The following CDCA7L variants were observed in gnomAD, a reference collection of about 807,000 sequenced individuals.
The protein encoded by CDCA7L is cell division cycle associated 7 like.
Under a neutral mutation model 57.4 loss-of-function variants are expected in CDCA7L, and 44 were observed. The observed-to-expected ratio is 0.77, with a 90% CI of 0.60 to 0.98. The LOEUF is 0.98. Ranked by LOEUF, CDCA7L falls within the 50% of genes least tolerant of loss-of-function variation. The pLI is 0.00. For synonymous variants in CDCA7L, 236 were observed against 202.8 expected (o/e 1.16, Z -1.39); for missense variants, 644 against 580.6 (o/e 1.11, Z -1.12).
chr7:21,901,309 A>G lies in CDCA7L; in HGVS notation c.*1013T>C. The G allele has an allele frequency of 6.7e-7, 1 of 1,500,800 alleles. No individual in the cohort carries two copies. The highest frequency in any genetic ancestry group is 8.9e-7 in the Non-Finnish European group (1 of 1,118,480). The allele number at this position is 1,500,800 out of a possible 1,614,324, so 93.0% of individuals were successfully genotyped here. ...TGGAGTGCAGTGAGGATTTTCTAGCATGTTGCTGCACTGTTCCCATGCACA... is the reference window on the plus strand; with the variant it reads ...TGGAGTGCAGTGAGGATTTTCTAGCGTGTTGCTGCACTGTTCCCATGCACA... On this transcript the variant is annotated 3_prime_UTR_variant, in exon 10 of 10. Transcript: ENST00000406877.
intron 8 of CDCA7L, 109 bp downstream of exon 8, chr7:21,904,001 A>C: frequency 9.4e-7 from 1 of 1,066,288 alleles, no homozygotes; most frequent in South Asian, 2.9e-5. Flanking sequence ...GAAGGGAAAA[A>C]CCAGAGTTCT....
intron 1 of CDCA7L, among the ~76,000 whole-genome samples, chr7:21,943,309 G>A (rs1786404333): frequency 6.6e-6 from 1 of 152,236 alleles, no homozygotes; most frequent in African/African-American, 2.4e-5. Context: ...GAGTAAATGA[G>A]TCTCCTTGTT....
At position 21,938,280 on chromosome 7, in the gene CDCA7L, C is replaced by T. The variant is rs746886203; in HGVS notation, c.24+7501G>A. On this transcript the variant is annotated intron_variant, in intron 1 of 9. Coordinates refer to ENST00000406877, the MANE Select transcript of CDCA7L (RefSeq NM_018719.5). ...TCAAAGAAGAGGTACAGGTGACCAA[C>T]GGGCACAAGAAAAAAATTCTTAACA... Among the ~76,000 whole-genome samples the T allele has an allele frequency of 1.2e-4, 18 of 151,960 alleles. No individual in the cohort carries two copies. The South Asian group carries it at 1.3e-3, about 11-fold the overall frequency.
intron 3 of CDCA7L, among the ~76,000 whole-genome samples, chr7:21,910,726 T>C (rs115788434): frequency 8.5e-5 from 13 of 152,324 alleles, no homozygotes; most frequent in African/African-American, 2.6e-4. Context: ...CTGTGCAGGA[T>C]AAAACAAACA....
intron 8 of CDCA7L, chr7:21,903,848 A>AT: frequency 2.9e-6 from 1 of 348,792 alleles, no homozygotes; most frequent in South Asian, 7.4e-5. Flanking sequence ...GATTACTTGC[A>AT]TAAAACTAGA....
chr7:21,909,413 C>T (rs985914806), intron 3 of CDCA7L, among the ~76,000 whole-genome samples: 3 of 152,014 alleles, frequency 2.0e-5, no homozygotes, highest in East Asian at 1.9e-4. Flanking sequence ...ACCAAGAACA[C>T]GGAATGGCAC....
At chr7:21,928,834 T>G (rs144698882) in intron 1 of CDCA7L, among the ~76,000 whole-genome samples, 3,095 of 152,152 alleles carry the variant, frequency 0.02, 110 homozygotes, top group African/African-American at 0.07. Flanking sequence ...GTTTGACTGG[T>G]GTACCTCAAA....
Position 21,906,553 on chromosome 7 carries a change from A to G in CDCA7L, c.753+15T>C. 1 of 1,614,092 alleles carries G rather than the reference A, an allele frequency of 6.2e-7. No homozygotes were observed. The highest frequency in any genetic ancestry group is 1.1e-5 in the South Asian group (1 of 91,076). On this transcript the variant is annotated intron_variant, in intron 5 of 9. Coordinates refer to ENST00000406877, the MANE Select transcript of CDCA7L (RefSeq NM_018719.5). ...ATATATCAGTATTGGTATAATTATA[A>G]GGAGTTCTACTTACAGAAGCTGAGG...
chr7:21,913,290 T>C (rs1175503397), intron 2 of CDCA7L, among the ~76,000 whole-genome samples: 1 of 152,060 alleles, frequency 6.6e-6, no homozygotes. Flanking sequence ...TGCTCAGAGC[T>C]GAATTACTTT....
At chr7:21,924,879 TAATTC>T (rs1321925420) in intron 1 of CDCA7L, among the ~76,000 whole-genome samples, 1 of 152,150 alleles carries the variant, frequency 6.6e-6, no homozygotes, top group African/African-American at 2.4e-5. Flanking sequence ...AGAATTCTCA[TAATTC>T]AATAAAAAGA....
intron 4 of CDCA7L, 136 bp from the exon 5 acceptor site, chr7:21,906,775 A>C (rs1785156152): frequency 1.3e-6 from 1 of 749,362 alleles, no homozygotes; most frequent in Non-Finnish European, 2.2e-6. Flanking sequence ...CACAACAGTT[A>C]TACTTTTAAC....
intron 9 of CDCA7L, 197 bp downstream of exon 9, chr7:21,902,781 C>CAAAGGAGAAGATTCCCTAA: frequency 1.8e-6 from 1 of 559,648 alleles, no homozygotes. Flanking sequence ...AAAAATCTAG[C>CAAAGGAGAAGATTCCCTAA]AAAGGAGAAG....
intron 1 of CDCA7L, among the ~76,000 whole-genome samples, chr7:21,919,335 T>A (rs1218800259): frequency 6.6e-6 from 1 of 152,188 alleles, no homozygotes; most frequent in African/African-American, 2.4e-5. Context: ...GGGAGCTTCT[T>A]GGAAAGTCAT....
At chr7:21,936,448 C>T (rs1786168873) in intron 1 of CDCA7L, among the ~76,000 whole-genome samples, 1 of 152,104 alleles carries the variant, frequency 6.6e-6, no homozygotes, top group South Asian at 2.1e-4. Flanking sequence ...ACAAATTCGG[C>T]AGTGTAGCAA....
chr7:21,901,296 A>G lies in CDCA7L; in HGVS notation c.*1026T>C, dbSNP rs1420422631. On this transcript the variant is annotated 3_prime_UTR_variant, in exon 10 of 10. Transcript: ENST00000406877. ...CTCTAGCCTCTGCTGGAGTGCAGTG[A>G]GGATTTTCTAGCATGTTGCTGCACT... 1 of 1,555,434 alleles carries G rather than the reference A, an allele frequency of 6.4e-7. No homozygotes were observed.
At chr7:21,937,951 A>G (rs552994724) in intron 1 of CDCA7L, among the ~76,000 whole-genome samples, 8 of 152,338 alleles carry the variant, frequency 5.3e-5, no homozygotes, top group African/African-American at 1.7e-4. Flanking sequence ...AGATCTAAAT[A>G]TAAGAGCTAA....
intron 1 of CDCA7L, among the ~76,000 whole-genome samples, chr7:21,945,300 C>T (rs949159661): frequency 6.6e-6 from 1 of 152,008 alleles, no homozygotes; most frequent in Admixed American, 6.5e-5. Flanking sequence ...CTAGAATAAA[C>T]ACTAAAGTTA....
rs139249411 is a variant in CDCA7L, at chr7:21,906,393, G to C, written c.817C>G (p.Arg273Gly). The change falls in exon 6 of 10, where the codon CGG becomes GGG. Residue 273 changes from arginine (R) to glycine (G), a missense_variant. Transcript: ENST00000406877. ...GQITRRMNPT[R>G]SARPPEKFAL... ...AACTTCTCAGGAGGCCGCGCACTCC[G>C]GGTTGGGTTCATACGCCGCGTGATC... The C allele has an allele frequency of 1.2e-6, 2 of 1,613,764 alleles. No homozygotes were observed. Among genetic ancestry groups the C allele is most frequent in the Non-Finnish European group, 1.7e-6 (2 of 1,179,808 alleles).
In CDCA7L at chr7:21,902,902, C is replaced by T. The variant is rs959144549; in HGVS notation, c.1334+76G>A. 4 of 1,420,178 alleles carry T rather than the reference C, an allele frequency of 2.8e-6. No homozygotes were observed. The African/African-American group carries it at 5.7e-5, about 20-fold the overall frequency. 88.0% of individuals were successfully genotyped at this position (1,420,178 alleles called of 1,614,324 possible). A position where few individuals can be genotyped will look rare whatever the true frequency, so the allele number is the denominator to read the frequency against. The stretch of plus-strand genomic sequence containing the variant: ...AGTAAGTCACACGGGAAGGCAACAA[C>T]TACTTGCCCAGAGGGTCTCCTGTGC... On this transcript the variant is annotated intron_variant, in intron 9 of 9. Transcript: ENST00000406877.
Sources: allele counts gnomAD v4.1 joint callset (sites outside exome capture counted in the v4.1 genomes callset), GRCh38; gene constraint gnomAD v4.1.1; transcripts MANE v1.5; gene names NCBI Gene and HGNC (gene_info 2026-07-23, HGNC 2026-07-21).